The following ANXA8 variants were observed in gnomAD, a reference collection of about 807,000 sequenced individuals.
ANXA8 encodes annexin A8.
A neutral mutation model predicts 26.8 loss-of-function variants in ANXA8; 9 were observed. That is an observed-to-expected ratio of 0.34 (90% confidence interval 0.20 to 0.59). The LOEUF is 0.59. Ranked by LOEUF, ANXA8 falls within the 20% of genes least tolerant of loss-of-function variation. The probability of loss-of-function intolerance (pLI) is 0.84; values close to 1 mark genes in which losing one functional copy is unlikely to be tolerated. For synonymous variants in ANXA8, 39 were observed against 94.8 expected (o/e 0.41, Z 3.42); for missense variants, 83 against 238.5 (o/e 0.35, Z 4.29).
chr10:47,930,018 A>G, the ANXA8 span, among the ~76,000 whole-genome samples: 1 of 152,108 alleles, frequency 6.6e-6, no homozygotes, highest in Non-Finnish European at 1.5e-5. Flanking sequence ...CTCTGGCCTC[A>G]CTTCCCACTA....
the ANXA8 span, among the ~76,000 whole-genome samples, chr10:47,559,229 G>C: frequency 2.3e-4 from 30 of 132,808 alleles, no homozygotes; most frequent in African/African-American, 8.5e-4. Context: ...TCAGCTCACT[G>C]TAACCACCGC....
At chr10:47,744,266 A>G in the ANXA8 span, among the ~76,000 whole-genome samples, 174 of 150,152 alleles carry the variant, frequency 1.2e-3, 2 homozygotes, top group East Asian at 6.1e-3. Context: ...GTCTCTGGTA[A>G]TATGTGATAA....
chr10:47,766,141 G>A, the ANXA8 span, among the ~76,000 whole-genome samples: 8 of 129,022 alleles, frequency 6.2e-5, no homozygotes, highest in Non-Finnish European at 9.8e-5. Flanking sequence ...GCTTGGCATC[G>A]CCACTATCCA....
At chr10:47,743,271 T>C in the ANXA8 span, among the ~76,000 whole-genome samples, 2 of 115,694 alleles carry the variant, frequency 1.7e-5, no homozygotes, top group Admixed American at 9.8e-5. Context: ...TATACATATA[T>C]ATATATACAC....
At chr10:47,985,132 A>T in the ANXA8 span, among the ~76,000 whole-genome samples, 1 of 150,144 alleles carries the variant, frequency 6.7e-6, no homozygotes, top group Admixed American at 6.6e-5. Context: ...ACAGTAAAAA[A>T]AAAAAATCTG....
At chr10:47,768,788 G>T in the ANXA8 span, among the ~76,000 whole-genome samples, 1 of 151,682 alleles carries the variant, frequency 6.6e-6, no homozygotes, top group Non-Finnish European at 1.5e-5. Context: ...GGCAATTGTG[G>T]CTTCTTGGTT....
the ANXA8 span, among the ~76,000 whole-genome samples, chr10:47,703,873 C>A: frequency 2.0e-5 from 3 of 146,832 alleles, no homozygotes; most frequent in African/African-American, 7.3e-5. Flanking sequence ...TGAGAAGGAT[C>A]CACCATATTT....
the ANXA8 span, among the ~76,000 whole-genome samples, chr10:47,670,044 C>T: frequency 6.6e-6 from 1 of 151,868 alleles, no homozygotes; most frequent in Non-Finnish European, 1.5e-5. Context: ...CCCCTGGAAG[C>T]CACGAATGTG....
rs1839543142 is a variant in ANXA8 at position 47,476,465 on chromosome 10, T to C, written c.322-143A>G. 1.7e-5 allele frequency: 21 copies of C among 1,262,598 alleles called. 3 individuals carry two copies. Among genetic ancestry groups the C allele is most frequent in the African/African-American group, 3.1e-5 (2 of 64,058 alleles). The allele number at this position is 1,262,598 out of a possible 1,614,324, so 78.2% of individuals were successfully genotyped here. On this transcript the variant is annotated intron_variant, in intron 4 of 11. Coordinates refer to ENST00000585281, the MANE Select transcript of ANXA8 (RefSeq NM_001040084.3). ...GAAGTGGGAGGATGTGATGAGAAAA[T>C]CACATGCTTCAGTGATGAACATTGA... is the stretch of plus-strand genomic sequence containing the variant.
At chr10:47,591,459 T>TTA in the ANXA8 span, among the ~76,000 whole-genome samples, 1 of 109,882 alleles carries the variant, frequency 9.1e-6, no homozygotes, top group Non-Finnish European at 1.8e-5. Context: ...TTTTTTTTTT[T>TTA]TTGAGATGGA....
chr10:47,535,171 A>T, the ANXA8 span, among the ~76,000 whole-genome samples: 2 of 124,782 alleles, frequency 1.6e-5, no homozygotes, highest in African/African-American at 7.3e-5. Flanking sequence ...ACAGGGTTTC[A>T]CCATGTTGGC....
chr10:47,660,997 A>G, the ANXA8 span, among the ~76,000 whole-genome samples: 2 of 151,106 alleles, frequency 1.3e-5, no homozygotes, highest in Non-Finnish European at 2.9e-5. Flanking sequence ...GGCAAGCTAA[A>G]TTTAATCAAA....
chr10:47,552,035 AT>A, the ANXA8 span: 1 of 229,972 alleles, frequency 4.3e-6, no homozygotes, highest in Non-Finnish European at 8.3e-6. Context: ...ATTAAATTTC[AT>A]TTATTTCTTT....
At chr10:47,554,105 C>T in the ANXA8 span, among the ~76,000 whole-genome samples, 1 of 53,792 alleles carries the variant, frequency 1.9e-5, no homozygotes, top group Non-Finnish European at 3.4e-5. Context: ...GGCTACATCT[C>T]TCAAAAAATA....
the ANXA8 span, among the ~76,000 whole-genome samples, chr10:47,944,653 GAGA>G: frequency 6.6e-6 from 1 of 150,512 alleles, no homozygotes; most frequent in African/African-American, 2.5e-5. Context: ...ATTTTATAAA[GAGA>G]AGTTCCCCTG....
At chr10:47,565,006 C>T in the ANXA8 span, 2 of 934,272 alleles carry the variant, frequency 2.1e-6, no homozygotes, top group Non-Finnish European at 3.6e-6. Flanking sequence ...GTCTGGCCGG[C>T]ATCTCCTGCT....
the ANXA8 span, among the ~76,000 whole-genome samples, chr10:47,683,388 C>T: frequency 1.3e-5 from 2 of 151,618 alleles, no homozygotes; most frequent in African/African-American, 4.9e-5. Context: ...GCCACCACGC[C>T]CAGCTAATTT....
chr10:47,647,692 T>C, the ANXA8 span, among the ~76,000 whole-genome samples: 1 of 148,638 alleles, frequency 6.7e-6, no homozygotes, highest in Non-Finnish European at 1.5e-5. Context: ...GCATATAAAG[T>C]CACTGAAGCA....
the ANXA8 span, among the ~76,000 whole-genome samples, chr10:47,704,445 C>T: frequency 2.0e-5 from 3 of 146,482 alleles, no homozygotes; most frequent in African/African-American, 7.5e-5. Context: ...AATTATCATC[C>T]TAATTGGAAA....
Sources: gnomAD v4.1 joint callset for allele counts (sites outside exome capture counted in the v4.1 genomes callset) on GRCh38, gnomAD v4.1.1 for gene constraint, MANE v1.5 for transcripts, NCBI Gene and HGNC (gene_info 2026-07-23, HGNC 2026-07-21) for gene names.